Variants in PTPN7 observed in about 807,000 individuals in gnomAD.
The protein encoded by PTPN7 is protein tyrosine phosphatase non-receptor type 7, also known as tyrosine-protein phosphatase non-receptor type 7.
PTPN7 carries 33 observed loss-of-function variants against 50.3 expected under a neutral mutation model. The ratio of observed to expected loss-of-function variants is 0.66; its 90% CI spans 0.50 to 0.88. The LOEUF (loss-of-function observed/expected upper bound fraction) is 0.88, where lower values mean the gene tolerates loss of function less well. PTPN7 is among the 40% of genes least tolerant of loss of function. The pLI is 0.00. For missense variants in PTPN7, 412 were observed against 475.4 expected (o/e 0.87, Z 1.24); for synonymous variants, 185 against 186.6 (o/e 0.99, Z 0.07).
intron 2 of PTPN7, chr1:202,158,533 G>GTTT (rs200053967): frequency 1.4e-3 from 499 of 362,598 alleles, no homozygotes; most frequent in South Asian, 2.1e-3. Context: ...GCTAATTTAA[G>GTTT]TTTTTTTTTT....
rs1358464028 is a variant in PTPN7, at chr1:202,148,622, T to A, written c.1067A>T (p.Glu356Val). The A allele has an allele frequency of 6.2e-7, 1 of 1,613,790 alleles. No individual in the cohort carries two copies. Among genetic ancestry groups the A allele is most frequent in the Non-Finnish European group, 8.5e-7 (1 of 1,179,918 alleles). Reference sequence around the variant, plus strand: ...TGGCAGGGGTCAGGGGCTGGGTTCCTCAGGCAGCTGGCCTGCATACAGGGC... The same window carrying A: ...TGGCAGGGGTCAGGGGCTGGGTTCCACAGGCAGCTGGCCTGCATACAGGGC... Reference protein sequence around the residue: ...TLALYAGQLPEEPSP With the variant: ...TLALYAGQLPVEPSP Residue 356 changes from glutamate to valine, a missense_variant, in exon 10 of 10, where the codon GAG (glutamate) becomes GTG (valine). Glu to Val is a moderately radical substitution (Grantham distance 121). Transcript: ENST00000691036.
At chr1:202,151,744 C>G (rs1232990743) in intron 8 of PTPN7, among the ~76,000 whole-genome samples, 2 of 151,030 alleles carry the variant, frequency 1.3e-5, no homozygotes, top group Admixed American at 6.6e-5. Context: ...CTTGAACTCC[C>G]GACCTCAGGT....
intron 3 of PTPN7, 114 bp from the exon 4 acceptor site, chr1:202,157,937 G>A: frequency 1.6e-6 from 2 of 1,278,966 alleles, no homozygotes; most frequent in Non-Finnish European, 2.2e-6. Flanking sequence ...TAGTATGTAG[G>A]CCTAGATGGG....
At chr1:202,161,092 C>A, upstream of PTPN7, 1 of 1,343,006 alleles carries the variant, frequency 7.4e-7, no homozygotes, top group Non-Finnish European at 9.6e-7. Flanking sequence ...CATGGCCAAG[C>A]ACAGACCACA....
chr1:202,152,618 G>T lies in PTPN7; in HGVS notation c.799C>A (p.Leu267Met). The T allele has an allele frequency of 6.2e-7, 1 of 1,614,112 alleles. No individual in the cohort carries two copies. Among genetic ancestry groups the T allele is most frequent in the Non-Finnish European group, 8.5e-7 (1 of 1,180,038 alleles). The change falls in exon 8 of 10, where the codon CTG (leucine) becomes ATG (methionine). Residue 267 changes from leucine to methionine, a missense_variant. Transcript: ENST00000691036. ...DHQTPESAGP[L>M]LRLVAEVEES... ...TCCACCTCTGCCACTAGGCGCAGCA[G>T]GGGCCCAGCTGATTCTGGTGTCTGA... is the stretch of plus-strand genomic sequence containing the variant.
chr1:202,159,310 T>C lies in PTPN7; in HGVS notation c.93A>G (p.Pro31=), dbSNP rs774749053. 2.4e-5 allele frequency: 39 copies of C among 1,614,084 alleles called. No individual in the cohort carries two copies. The highest frequency in any genetic ancestry group is 2.8e-5 in the Non-Finnish European group (33 of 1,180,026). The change falls in exon 2 of 10, where the codon CCA becomes CCG. Residue 31 remains proline (P), a synonymous_variant. Transcript: ENST00000691036. The surrounding 1 kb of genome is among the most constrained non-coding windows in gnomAD (Gnocchi z 4.6). ...CCTGCAGTCGCACATGCTTCTTGGC[T>C]GGCGTTTTTTCAGGCGGAGGCTGGG... The part of the protein sequence containing the change: ...AMTQPPPEKT[P]AKKHVRLQER...
In PTPN7 at chr1:202,154,261, C is replaced by T. The variant is rs147405290; in HGVS notation, c.531G>A (p.Ser177=). 6.1e-5 allele frequency: 99 copies of T among 1,614,012 alleles called. No individual in the cohort carries two copies. The highest frequency in any genetic ancestry group is 1.3e-4 in the East Asian group (6 of 44,898). ...ATQGPMPNTV[S]DFWEMVWQEE... ...CTTGCCACACCATCTCCCAGAAGTC[C>T]GACACAGTGTTGGGCATGGGGCCCT... The change falls in exon 6 of 10, where the codon TCG becomes TCA. Residue 177 remains serine (S), a synonymous_variant. Transcript: ENST00000691036.
In PTPN7 at chr1:202,157,806, A is replaced by G. The variant is rs1656850634; in HGVS notation, c.324T>C (p.Phe108=). The G allele has an allele frequency of 6.2e-7, 1 of 1,614,124 alleles. No homozygotes were observed. The highest frequency in any genetic ancestry group is 8.5e-7 in the Non-Finnish European group (1 of 1,179,976). The stretch of plus-strand genomic sequence containing the variant: ...GGATGTCCAGGTCTTCGGGGCTGAC[A>G]AAGTTTGAAGGGATCTTCTGGCAGG... ...EEEFLKIPSN[F]VSPEDLDIPG... The change falls in exon 4 of 10, where the codon TTT becomes TTC. Residue 108 remains phenylalanine, a synonymous_variant. Coordinates refer to ENST00000691036, the MANE Select transcript of PTPN7 (RefSeq NM_002832.4).
At position 202,152,644 on chromosome 1, in the gene PTPN7, T is replaced by C. The variant is rs1218019161; in HGVS notation, c.773A>G (p.His258Arg). 6.2e-7 allele frequency: 1 copy of C among 1,613,968 alleles called. No individual in the cohort carries two copies. The highest frequency in any genetic ancestry group is 8.5e-7 in the Non-Finnish European group (1 of 1,180,026). The change falls in exon 8 of 10, where the codon CAT becomes CGT. Residue 258 changes from histidine (H) to arginine (R), a missense_variant. His to Arg is a conservative substitution (Grantham distance 29). Coordinates refer to ENST00000691036, the MANE Select transcript of PTPN7 (RefSeq NM_002832.4). ...KHILFSAWPDHQTPESAGPLL... is the reference protein window; with the variant it reads ...KHILFSAWPDRQTPESAGPLL... ...GGGCCCAGCTGATTCTGGTGTCTGA[T>C]GGTCTGGCCAGGCCGAAAAGAGGAT...
intron 5 of PTPN7, 42 bp downstream of exon 5, chr1:202,155,491 A>C: frequency 6.6e-7 from 1 of 1,508,080 alleles, no homozygotes; most frequent in Non-Finnish European, 9.2e-7. Flanking sequence ...ACGTCTGAGA[A>C]TTCCCCCATT....
upstream of PTPN7, chr1:202,160,941 C>T: frequency 1.4e-6 from 2 of 1,431,036 alleles, no homozygotes; most frequent in South Asian, 1.5e-5. This position sits in a 1 kb window ranked among gnomAD's most constrained non-coding sequence, Gnocchi z 4.8. Flanking sequence ...CACAAAGAAC[C>T]CAAGGCTCTC....
In PTPN7 at chr1:202,160,500, C is replaced by A. The variant is rs970535392; in HGVS notation, c.-53+45G>T. ...CCCTCTTATATCCCCGGAGTTCGCA[C>A]CCCCCGGGGCCACAGGACTCCCAGT... On this transcript the variant is annotated intron_variant, in intron 1 of 9. Transcript: ENST00000691036. This position sits in a 1 kb window ranked among gnomAD's most constrained non-coding sequence, Gnocchi z 4.8. 7 of 1,501,562 alleles carry A rather than the reference C, an allele frequency of 4.7e-6. No homozygotes were observed. In the African/African-American group the frequency reaches 5.6e-5, roughly 12 times the overall value. The allele number at this position is 1,501,562 out of a possible 1,614,324, so 93.0% of individuals were successfully genotyped here. A position where few individuals can be genotyped will look rare whatever the true frequency, so the allele number is the denominator to read the frequency against.
At chr1:202,151,151 T>C (rs1291416665) in intron 8 of PTPN7, among the ~76,000 whole-genome samples, 1 of 152,178 alleles carries the variant, frequency 6.6e-6, no homozygotes, top group Admixed American at 6.5e-5. Context: ...GCCAAAGTGT[T>C]CTTTTAAAAT....
Position 202,148,581 on chromosome 1 carries a change from C to G in PTPN7, c.*25G>C. 1 of 1,606,674 alleles carries G rather than the reference C, an allele frequency of 6.2e-7. No homozygotes were observed. Among genetic ancestry groups the G allele is most frequent in the Non-Finnish European group, 8.5e-7 (1 of 1,174,056 alleles). On this transcript the variant is annotated 3_prime_UTR_variant, in exon 10 of 10. Coordinates refer to ENST00000691036, the MANE Select transcript of PTPN7 (RefSeq NM_002832.4). ...TCCCAGGCTTGAGGGAGGTAGGCAC[C>G]TGGGCCACCGGAGGGTGGCAGGGGT... is the stretch of plus-strand genomic sequence containing the variant.
rs928594150 is a variant in PTPN7, at chr1:202,160,508, G to A, written c.-53+37C>T. 5.2e-6 allele frequency: 8 copies of A among 1,525,254 alleles called. No homozygotes were observed. In the African/African-American group the frequency reaches 6.9e-5, roughly 13 times the overall value. 94.5% of individuals were successfully genotyped at this position (1,525,254 alleles called of 1,614,324 possible). ...TATCCCCGGAGTTCGCACCCCCCGG[G>A]GCCACAGGACTCCCAGTCCCCCCTT... is the stretch of plus-strand genomic sequence containing the variant. On this transcript the variant is annotated intron_variant, in intron 1 of 9. Transcript: ENST00000691036. The surrounding 1 kb of genome is among the most constrained non-coding windows in gnomAD (Gnocchi z 4.8).
chr1:202,156,686 C>A (rs565863152), intron 4 of PTPN7, among the ~76,000 whole-genome samples: 62 of 152,348 alleles, frequency 4.1e-4, no homozygotes, highest in African/African-American at 1.4e-3. Flanking sequence ...ACTCCTCCCC[C>A]TGGCCTGGAA....
At chr1:202,152,734 G>A (rs746576465) in intron 7 of PTPN7, 35 bp from the exon 8 acceptor site, 6 of 1,607,936 alleles carry the variant, frequency 3.7e-6, no homozygotes, top group Non-Finnish European at 5.1e-6. Context: ...ACCAAGGTCA[G>A]GGTGGAGGGC....
At position 202,152,614 on chromosome 1, in the gene PTPN7, A is replaced by G. The variant is rs1182957673; in HGVS notation, c.803T>C (p.Leu268Pro). The change falls in exon 8 of 10, where the codon CTG becomes CCG. Residue 268 changes from leucine to proline, a missense_variant. Leu to Pro is a moderately conservative substitution (Grantham distance 98). Coordinates refer to ENST00000691036, the MANE Select transcript of PTPN7 (RefSeq NM_002832.4). Reference protein sequence around the residue: ...HQTPESAGPLLRLVAEVEESP... With the variant: ...HQTPESAGPLPRLVAEVEESP... ...CTCCTCCACCTCTGCCACTAGGCGC[A>G]GCAGGGGCCCAGCTGATTCTGGTGT... 3.1e-6 allele frequency: 5 copies of G among 1,614,104 alleles called. No homozygotes were observed. The highest frequency in any genetic ancestry group is 3.4e-6 in the Non-Finnish European group (4 of 1,180,038).
chr1:202,155,453 A>G (rs1571752546), intron 5 of PTPN7, 80 bp downstream of exon 5: 1 of 1,353,490 alleles, frequency 7.4e-7, no homozygotes, highest in South Asian at 1.2e-5. Context: ...CACCTGATCC[A>G]CCAGCCATGG....
Sources: allele counts gnomAD v4.1 joint callset (sites outside exome capture counted in the v4.1 genomes callset), GRCh38; gene constraint gnomAD v4.1.1; non-coding constraint Gnocchi (gnomAD v3.1); transcripts MANE v1.5; gene names NCBI Gene and HGNC (gene_info 2026-07-23, HGNC 2026-07-21).